Variants in NR3C1 observed in about 807,000 individuals in gnomAD.
NR3C1 encodes nuclear receptor subfamily 3 group C member 1, also known as glucocorticoid receptor.
NR3C1 carries 14 observed loss-of-function variants against 74.0 expected under a neutral mutation model. That is an observed-to-expected ratio of 0.19 (90% CI 0.12 to 0.30). NR3C1 has a LOEUF of 0.30. Ranked by LOEUF, NR3C1 falls within the 10% of genes least tolerant of loss-of-function variation. The pLI is 1.00. For synonymous variants in NR3C1, 308 were observed against 332.5 expected, an observed-to-expected ratio of 0.93 and a Z score of 0.80; for missense variants, 695 against 909.8, an observed-to-expected ratio of 0.76 and a Z score of 3.04.
intron 1 of NR3C1, among the ~76,000 whole-genome samples, chr5:143,426,209 G>A (rs1408302330): frequency 6.6e-6 from 1 of 152,138 alleles, no homozygotes; most frequent in Non-Finnish European, 1.5e-5. Flanking sequence ...ATTAGTGGTC[G>A]CCAGGGGGCT....
chr5:143,359,859 A>AG (rs1444843590), intron 2 of NR3C1, among the ~76,000 whole-genome samples: 1 of 152,222 alleles, frequency 6.6e-6, no homozygotes, highest in Admixed American at 6.5e-5. Context: ...CAGAGGTTGC[A>AG]GTGAGCTGAG....
intron 3 of NR3C1, among the ~76,000 whole-genome samples, chr5:143,313,626 G>T (rs896596175): frequency 1.3e-5 from 2 of 151,632 alleles, no homozygotes; most frequent in Non-Finnish European, 2.9e-5. Flanking sequence ...TTTTTGCCAG[G>T]CCAGTAAAGT....
intron 2 of NR3C1, among the ~76,000 whole-genome samples, chr5:143,374,231 G>A (rs10076665): frequency 0.14 from 20,579 of 152,088 alleles, 1,554 homozygotes; most frequent in Middle Eastern, 0.3. Context: ...GGTGGCTCAC[G>A]CCTGTAATCC....
chr5:143,426,039 C>T (rs1260494079), intron 1 of NR3C1, among the ~76,000 whole-genome samples: 1 of 152,112 alleles, frequency 6.6e-6, no homozygotes, highest in African/African-American at 2.4e-5. Context: ...TCAGCCATAA[C>T]AGGAAATGAA....
chr5:143,381,387 T>C (rs1836212889), intron 2 of NR3C1, among the ~76,000 whole-genome samples: 1 of 151,960 alleles, frequency 6.6e-6, no homozygotes, highest in Non-Finnish European at 1.5e-5. Context: ...ACAGATTCAA[T>C]GCAATCTTTA....
At chr5:143,386,867 G>T (rs1276152819) in intron 2 of NR3C1, among the ~76,000 whole-genome samples, 1 of 152,210 alleles carries the variant, frequency 6.6e-6, no homozygotes, top group Non-Finnish European at 1.5e-5. Context: ...AAAGGTTATG[G>T]AGAGTTCATG....
chr5:143,372,676 A>G (rs1834429616), intron 2 of NR3C1, among the ~76,000 whole-genome samples: 1 of 152,152 alleles, frequency 6.6e-6, no homozygotes, highest in Non-Finnish European at 1.5e-5. Flanking sequence ...ATCAAACATA[A>G]GCCCTTAAAC....
intron 1 of NR3C1, among the ~76,000 whole-genome samples, chr5:143,426,531 A>G (rs1436356905): frequency 2.6e-5 from 4 of 152,212 alleles, no homozygotes; most frequent in Non-Finnish European, 5.9e-5. Flanking sequence ...CGTGTTTTGC[A>G]TTCTAGTCGA....
At chr5:143,430,347 C>G (rs1254044785) in intron 1 of NR3C1, among the ~76,000 whole-genome samples, 1 of 152,118 alleles carries the variant, frequency 6.6e-6, no homozygotes, top group Non-Finnish European at 1.5e-5. Context: ...ATGGATATCT[C>G]TGGATGTGAG....
intron 2 of NR3C1, among the ~76,000 whole-genome samples, chr5:143,346,868 CTTTTA>C (rs1451453316): frequency 6.6e-6 from 1 of 152,126 alleles, no homozygotes; most frequent in African/African-American, 2.4e-5. Flanking sequence ...AAATAAGATT[CTTTTA>C]TAATTTAAGA....
At chr5:143,342,091 TATGA>T (rs1561617027) in intron 2 of NR3C1, among the ~76,000 whole-genome samples, 1 of 150,924 alleles carries the variant, frequency 6.6e-6, no homozygotes, top group East Asian at 1.9e-4. Flanking sequence ...GTCAAAACAG[TATGA>T]ATAACAAAAA....
At chr5:143,332,580 T>C in intron 2 of NR3C1, 1 of 976,012 alleles carries the variant, frequency 1.0e-6, no homozygotes, top group South Asian at 1.5e-5. Flanking sequence ...AAAAAAAGAA[T>C]TGAGTAGCTG....
intron 3 of NR3C1, among the ~76,000 whole-genome samples, chr5:143,312,264 T>C (rs535770177): frequency 2.6e-5 from 4 of 152,250 alleles, no homozygotes; most frequent in East Asian, 1.9e-4. Context: ...TTTACCAAGA[T>C]TGGTCTGTGT....
chr5:143,398,822 G>A (rs1839725804), intron 2 of NR3C1, among the ~76,000 whole-genome samples: 1 of 151,872 alleles, frequency 6.6e-6, no homozygotes, highest in Admixed American at 6.6e-5. Flanking sequence ...TGACCTTTTT[G>A]GGTCAGACAA....
intron 1 of NR3C1, among the ~76,000 whole-genome samples, chr5:143,422,315 T>C (rs1751279496): frequency 6.6e-6 from 1 of 152,226 alleles, no homozygotes; most frequent in Admixed American, 6.5e-5. Flanking sequence ...AGAGACAGTA[T>C]GGCATAGTAT....
intron 4 of NR3C1, among the ~76,000 whole-genome samples, chr5:143,301,606 T>C (rs967525925): frequency 2.0e-5 from 3 of 152,138 alleles, no homozygotes; most frequent in African/African-American, 7.2e-5. Context: ...GTAGACTTAT[T>C]CATACTCCTG....
At position 143,279,248 on chromosome 5, in the gene NR3C1, G is replaced by T; in HGVS notation, c.*2641C>A. 2 of 1,183,022 alleles carry T rather than the reference G, an allele frequency of 1.7e-6. No individual in the cohort carries two copies. The highest frequency in any genetic ancestry group is 3.9e-4 in the Middle Eastern group (2 of 5,162). The allele number at this position is 1,183,022 out of a possible 1,614,324, so 73.3% of individuals were successfully genotyped here. Reference sequence around the variant, plus strand: ...AGCTTCTTTTCCCATTTAATGAAAAGCCTCCTATAGTTGTCGATGAGCATC... The same window carrying T: ...AGCTTCTTTTCCCATTTAATGAAAATCCTCCTATAGTTGTCGATGAGCATC... On this transcript the variant is annotated 3_prime_UTR_variant, in exon 9 of 9. Transcript: ENST00000394464.
At chr5:143,414,379 G>T (rs1228564131) in intron 1 of NR3C1, among the ~76,000 whole-genome samples, 1 of 152,168 alleles carries the variant, frequency 6.6e-6, no homozygotes, top group African/African-American at 2.4e-5. Flanking sequence ...TCAAGCCTCT[G>T]CACTGGGCAG....
chr5:143,308,377 T>C (rs900360164), intron 4 of NR3C1, among the ~76,000 whole-genome samples: 4 of 152,126 alleles, frequency 2.6e-5, no homozygotes, highest in Non-Finnish European at 5.9e-5. Flanking sequence ...GGTGGGAAGA[T>C]GGCTTGAGTC....
Sources: gnomAD v4.1 joint callset for allele counts (sites outside exome capture counted in the v4.1 genomes callset) on GRCh38, gnomAD v4.1.1 for gene constraint, MANE v1.5 for transcripts, NCBI Gene and HGNC (gene_info 2026-07-23, HGNC 2026-07-21) for gene names.